Variants in ALG5 observed in about 807,000 individuals in gnomAD.
The protein encoded by ALG5 is ALG5 dolichyl-phosphate beta-glucosyltransferase, also known as dolichyl-phosphate beta-glucosyltransferase.
Under a neutral mutation model 51.8 loss-of-function variants are expected in ALG5, and 26 were observed. That is an observed-to-expected ratio of 0.50 (90% CI 0.37 to 0.70). The LOEUF is 0.70. Ranked by LOEUF, ALG5 falls within the 30% of genes least tolerant of loss-of-function variation. The probability of loss-of-function intolerance (pLI) is 0.00; values close to 1 mark genes in which losing one functional copy is unlikely to be tolerated. For missense variants in ALG5, 311 were observed against 399.3 expected (o/e 0.78, Z 1.88); for synonymous variants, 141 against 136.1 (o/e 1.04, Z -0.25).
Position 36,980,844 on chromosome 13 carries a change from C to T in ALG5, c.561+4783G>A, listed in dbSNP as rs538285751. Among the ~76,000 whole-genome samples the T allele has an allele frequency of 1.2e-4, 18 of 151,940 alleles. No individual in the cohort carries two copies. The South Asian group carries it at 3.7e-3, about 32-fold the overall frequency. On this transcript the variant is annotated intron_variant, in intron 6 of 9. Coordinates refer to ENST00000239891, the MANE Select transcript of ALG5 (RefSeq NM_013338.5). The stretch of plus-strand genomic sequence containing the variant: ...CAAAAAATAGCCTGGCGTGGTGGTG[C>T]GTGCCTGTAATTCCAGCTACTCGGG...
intron 6 of ALG5, among the ~76,000 whole-genome samples, chr13:36,973,966 C>T (rs1428212621): frequency 6.6e-6 from 1 of 152,182 alleles, no homozygotes; most frequent in Admixed American, 6.5e-5. Context: ...CCTGACCCAG[C>T]AATTCCAACA....
chr13:36,987,890 T>C (rs1479346529), intron 5 of ALG5, among the ~76,000 whole-genome samples: 1 of 152,176 alleles, frequency 6.6e-6, no homozygotes, highest in African/African-American at 2.4e-5. Flanking sequence ...AAAGTGTCAC[T>C]CTGTCAATGG....
chr13:36,995,708 C>A, intron 1 of ALG5, 112 bp from the exon 2 acceptor site: 1 of 1,037,004 alleles, frequency 9.6e-7, no homozygotes, highest in East Asian at 2.6e-5. Flanking sequence ...TACTCACTCT[C>A]AGGTTTTAGT....
intron 7 of ALG5, among the ~76,000 whole-genome samples, 191 bp from the exon 8 acceptor site, chr13:36,965,917 C>G (rs2058891037): frequency 6.6e-6 from 1 of 152,088 alleles, no homozygotes; most frequent in Non-Finnish European, 1.5e-5. Context: ...CTGCTTGGAG[C>G]AGAGTAGAGG....
In ALG5 at chr13:36,970,784, A is replaced by G. The variant is rs145418529; in HGVS notation, c.621+1193T>C. Among the ~76,000 whole-genome samples the G allele has an allele frequency of 3.4e-3, 504 of 146,712 alleles. 3 individuals are homozygous for G. In the Middle Eastern group the frequency reaches 0.05, roughly 14 times the overall value. ...AAATTAGCCAGGCATGATGGCGTGT[A>G]CCTGTAATCTCAGCTTCTTGGGAGA... On this transcript the variant is annotated intron_variant, in intron 7 of 9. Coordinates refer to ENST00000239891, the MANE Select transcript of ALG5 (RefSeq NM_013338.5).
At chr13:36,955,686 G>GAAAAAAAAAAAAA (rs35130767) in intron 8 of ALG5, among the ~76,000 whole-genome samples, 2 of 36,478 alleles carry the variant, frequency 5.5e-5, no homozygotes, top group Non-Finnish European at 1.4e-4. Context: ...CAGAGATTGT[G>GAAAAAAAAAAAAA]AAAAAAAAAA....
In ALG5 at chr13:36,994,981, C is replaced by T. The variant is rs1381808253; in HGVS notation, c.285+8G>A. The T allele has an allele frequency of 3.1e-6, 5 of 1,610,482 alleles. No homozygotes were observed. Among genetic ancestry groups the T allele is most frequent in the Non-Finnish European group, 4.2e-6 (5 of 1,177,734 alleles). ...GGAGATATCATATTAAAAGAGAAAA[C>T]ATGATACCTGTCTCTTCTCTAGATA... On this transcript the variant is annotated splice_region_variant and intron_variant, in intron 3 of 9. Transcript: ENST00000239891.
intron 1 of ALG5, 72 bp downstream of exon 1, chr13:36,999,163 A>G: frequency 7.3e-7 from 1 of 1,362,684 alleles, no homozygotes; most frequent in Non-Finnish European, 9.7e-7. Flanking sequence ...GGAGGAGGGG[A>G]CGCCTGAGGA....
chr13:36,989,440 G>T, intron 5 of ALG5, 44 bp downstream of exon 5: 1 of 1,457,242 alleles, frequency 6.9e-7, no homozygotes, highest in Non-Finnish European at 9.6e-7. Context: ...CATTATTCAA[G>T]ATACCTTCAT....
intron 8 of ALG5, among the ~76,000 whole-genome samples, chr13:36,963,652 G>A (rs2058878557): frequency 6.6e-6 from 1 of 151,850 alleles, no homozygotes; most frequent in Non-Finnish European, 1.5e-5. Flanking sequence ...GACAACTAAT[G>A]TAGACTACTT....
intron 7 of ALG5, among the ~76,000 whole-genome samples, chr13:36,966,384 C>A (rs1279006224): frequency 6.6e-6 from 1 of 152,142 alleles, no homozygotes; most frequent in African/African-American, 2.4e-5. Flanking sequence ...TTAGTAGTAA[C>A]AGAATATTCC....
At chr13:36,974,716 C>T (rs1057511487) in intron 6 of ALG5, among the ~76,000 whole-genome samples, 1 of 151,550 alleles carries the variant, frequency 6.6e-6, no homozygotes, top group African/African-American at 2.4e-5. Context: ...TGTAAAGCCC[C>T]CCCACCACCA....
chr13:36,996,044 G>C (rs1320157792), intron 1 of ALG5, among the ~76,000 whole-genome samples: 1 of 151,062 alleles, frequency 6.6e-6, no homozygotes, highest in Non-Finnish European at 1.5e-5. Context: ...GTTGGAACAT[G>C]CGGGGTGAGG....
At position 36,951,862 on chromosome 13, in the gene ALG5, G is replaced by A. The variant is rs543208015; in HGVS notation, c.859+652C>T. 4.6e-5 allele frequency among the ~76,000 whole-genome samples: 7 copies of A among 152,252 alleles called. No homozygotes were observed. In the South Asian group the frequency reaches 1.5e-3, roughly 32 times the overall value. Reference sequence around the variant, plus strand: ...TGCAATGGTGCAATCTTGGCTCACCGCAACCTTTGCCTCTCGGGTTCAAGC... The same window carrying A: ...TGCAATGGTGCAATCTTGGCTCACCACAACCTTTGCCTCTCGGGTTCAAGC... On this transcript the variant is annotated intron_variant, in intron 9 of 9. Coordinates refer to ENST00000239891, the MANE Select transcript of ALG5 (RefSeq NM_013338.5).
chr13:36,968,564 ACT>A (rs2058906125), intron 7 of ALG5, among the ~76,000 whole-genome samples: 1 of 152,176 alleles, frequency 6.6e-6, no homozygotes, highest in African/African-American at 2.4e-5. Flanking sequence ...ATGATACAAG[ACT>A]CTATCAGGGC....
In ALG5 at chr13:36,983,049, T is replaced by C. The variant is rs536331340; in HGVS notation, c.561+2578A>G. On this transcript the variant is annotated intron_variant, in intron 6 of 9. Transcript: ENST00000239891. Reference sequence around the variant, plus strand: ...ATCAGAACTCCTTTTCTTTACAGAGTAGTATAAAGGAACTAGATTTATAAG... The same window carrying C: ...ATCAGAACTCCTTTTCTTTACAGAGCAGTATAAAGGAACTAGATTTATAAG... 4.7e-4 allele frequency among the ~76,000 whole-genome samples: 72 copies of C among 152,200 alleles called. 1 individual carries two copies. Among genetic ancestry groups the C allele is most frequent in the Admixed American group, 7.9e-4 (12 of 15,274 alleles).
chr13:36,960,314 C>T (rs2058860036), intron 8 of ALG5, among the ~76,000 whole-genome samples: 2 of 151,962 alleles, frequency 1.3e-5, no homozygotes, highest in Admixed American at 6.6e-5. Flanking sequence ...CTATGCAGAC[C>T]CATTATTTTG....
At chr13:36,968,989 T>C (rs1036661477) in intron 7 of ALG5, among the ~76,000 whole-genome samples, 3 of 152,228 alleles carry the variant, frequency 2.0e-5, no homozygotes, top group Non-Finnish European at 2.9e-5. Context: ...CTTCTTTCTA[T>C]AGAATGGCAG....
At chr13:36,989,612 T>G (rs778754015) in intron 4 of ALG5, 36 bp from the exon 5 acceptor site, 16 of 1,497,850 alleles carry the variant, frequency 1.1e-5, no homozygotes, top group Non-Finnish European at 1.1e-5. Flanking sequence ...TAAAATTAAT[T>G]TGGATTAAAG....
Sources: gnomAD v4.1 joint callset for allele counts (sites outside exome capture counted in the v4.1 genomes callset) on GRCh38, gnomAD v4.1.1 for gene constraint, MANE v1.5 for transcripts, NCBI Gene and HGNC (gene_info 2026-07-23, HGNC 2026-07-21) for gene names.